PIPOX: variants seen among roughly 807,000 people sequenced by gnomAD.
PIPOX encodes the protein pipecolic acid and sarcosine oxidase.
In PIPOX, 45 loss-of-function variants were observed where a neutral mutation model predicts 47.9. The ratio of observed to expected loss-of-function variants is 0.94; its 90% confidence interval spans 0.74 to 1.20. The LOEUF is 1.20. Ranked by LOEUF, PIPOX falls within the 50% of genes most tolerant of loss-of-function variation. The probability of loss-of-function intolerance (pLI) is 0.00; values close to 1 mark genes in which losing one functional copy is unlikely to be tolerated. For synonymous variants in PIPOX, 165 were observed against 191.3 expected, an observed-to-expected ratio of 0.86 and a Z score of 1.13; for missense variants, 458 against 498.4, an observed-to-expected ratio of 0.92 and a Z score of 0.77.
intron 1 of PIPOX, 39 bp from the exon 2 acceptor site, chr17:29,044,820 G>T (rs1481948121): frequency 1.3e-6 from 2 of 1,587,066 alleles, no homozygotes; most frequent in East Asian, 4.5e-5. Flanking sequence ...AGTGTGAGGG[G>T]TAATGGCTTC....
At chr17:29,056,104 A>G in intron 7 of PIPOX, 71 bp from the exon 8 acceptor site, 1 of 1,581,168 alleles carries the variant, frequency 6.3e-7, no homozygotes, top group Non-Finnish European at 8.7e-7. Flanking sequence ...CTGTCTGGGT[A>G]AGTAGGGGAT....
intron 2 of PIPOX, chr17:29,052,089 T>TTTCCACAAAACAGGCAGCCTC: frequency 4.3e-6 from 2 of 465,848 alleles, no homozygotes; most frequent in South Asian, 3.1e-5. Context: ...TTTAGGACCC[T>TTTCCACAAAACAGGCAGCCTC]TTCCACAAAA....
intron 1 of PIPOX, chr17:29,044,402 C>CT (rs1451494164): frequency 1.3e-5 from 2 of 152,616 alleles, no homozygotes; most frequent in African/African-American, 4.8e-5. Context: ...TAAGTTAGTG[C>CT]TATTGAAGAA....
chr17:29,050,586 C>T (rs894742371), intron 2 of PIPOX, among the ~76,000 whole-genome samples: 2 of 152,062 alleles, frequency 1.3e-5, no homozygotes, highest in African/African-American at 4.8e-5. Context: ...GTCTGTAGTC[C>T]CAAATATTTG....
At chr17:29,043,501 A>T (rs902938436) in intron 1 of PIPOX, among the ~76,000 whole-genome samples, 162 bp downstream of exon 1, 1 of 152,190 alleles carries the variant, frequency 6.6e-6, no homozygotes, top group Non-Finnish European at 1.5e-5. Flanking sequence ...GTTTCATGGC[A>T]ATTCAAAGAA....
At chr17:29,054,461 C>A in intron 4 of PIPOX, 84 bp from the exon 5 acceptor site, 1 of 1,504,244 alleles carries the variant, frequency 6.6e-7, no homozygotes. Context: ...TGTTAGAGGG[C>A]CGCAGGGGCC....
At chr17:29,044,803 G>A in intron 1 of PIPOX, 56 bp from the exon 2 acceptor site, 1 of 1,544,172 alleles carries the variant, frequency 6.5e-7, no homozygotes, top group South Asian at 1.2e-5. Context: ...CTCTTAACAG[G>A]GGATGCAGTG....
chr17:29,053,534 T>G lies in PIPOX; in HGVS notation c.599T>G (p.Ile200Ser). 1 of 1,613,872 alleles carries G rather than the reference T, an allele frequency of 6.2e-7. No homozygotes were observed. The highest frequency in any genetic ancestry group is 8.5e-7 in the Non-Finnish European group (1 of 1,179,818). ...SRSYQAKSLV[I>S]TAGPWTNQLL... ...AGCTACCAAGCTAAGAGCTTGGTCATCACAGCAGGTCCTTGGACCAACCAG... is the reference window on the plus strand; with the variant it reads ...AGCTACCAAGCTAAGAGCTTGGTCAGCACAGCAGGTCCTTGGACCAACCAG... The change falls in exon 4 of 8, where the codon ATC (isoleucine) becomes AGC (serine). Residue 200 changes from isoleucine to serine, a missense_variant. By Grantham distance (142) the Ile-to-Ser change is moderately radical. Coordinates refer to ENST00000323372, the MANE Select transcript of PIPOX (RefSeq NM_016518.3).
intron 2 of PIPOX, among the ~76,000 whole-genome samples, chr17:29,051,517 CTGGG>C (rs1243275343): frequency 2.0e-5 from 3 of 152,208 alleles, no homozygotes; most frequent in Non-Finnish European, 1.5e-5. Flanking sequence ...CAGGCCGCTG[CTGGG>C]CAGTGCAGCA....
In PIPOX at chr17:29,044,806, A is replaced by G. The variant is rs1361036288; in HGVS notation, c.115-53A>G. On this transcript the variant is annotated intron_variant, in intron 1 of 7. Coordinates refer to ENST00000323372, the MANE Select transcript of PIPOX (RefSeq NM_016518.3). ...ATGCTGATATGGCTCTTAACAGGGGATGCAGTGTGAGGGGTAATGGCTTCC... is the reference window on the plus strand; with the variant it reads ...ATGCTGATATGGCTCTTAACAGGGGGTGCAGTGTGAGGGGTAATGGCTTCC... 3 of 1,550,106 alleles carry G rather than the reference A, an allele frequency of 1.9e-6. No homozygotes were observed. In the Admixed American group the frequency reaches 5.6e-5, roughly 29 times the overall value.
intron 2 of PIPOX, among the ~76,000 whole-genome samples, chr17:29,050,533 C>A (rs939700385): frequency 6.6e-6 from 1 of 152,112 alleles, no homozygotes; most frequent in Non-Finnish European, 1.5e-5. Flanking sequence ...CTTGTGTCTA[C>A]AAAACACAAA....
In PIPOX at chr17:29,044,971, C is replaced by T. The variant is rs1298675669; in HGVS notation, c.227C>T (p.Ala76Val). Residue 76 changes from alanine (A) to valine (V), a missense_variant, in exon 2 of 8, where the codon GCC (alanine) becomes GTC (valine). Coordinates refer to ENST00000323372, the MANE Select transcript of PIPOX (RefSeq NM_016518.3). ...RMMHECYQIW[A>V]QLEHEAGTQL... ...ATGCATGAGTGCTATCAGATATGGG[C>T]CCAGCTGGAGCACGAGGCTGGAACC... The T allele has an allele frequency of 1.2e-6, 2 of 1,612,576 alleles. No homozygotes were observed. Among genetic ancestry groups the T allele is most frequent in the Non-Finnish European group, 1.7e-6 (2 of 1,179,344 alleles).
At chr17:29,053,268 G>C in intron 3 of PIPOX, 135 bp downstream of exon 3, 1 of 1,185,852 alleles carries the variant, frequency 8.4e-7, no homozygotes, top group Non-Finnish European at 1.2e-6. Context: ...TTCCAGCAGG[G>C]CAGTGAAATA....
chr17:29,054,997 C>T, intron 5 of PIPOX, 66 bp from the exon 6 acceptor site: 20 of 1,595,132 alleles, frequency 1.3e-5, no homozygotes, highest in Non-Finnish European at 1.6e-5. Context: ...ACACGCCTGC[C>T]CTTCGGCTGT....
intron 2 of PIPOX, among the ~76,000 whole-genome samples, chr17:29,049,454 G>A (rs866788953): frequency 2.6e-5 from 4 of 152,174 alleles, no homozygotes; most frequent in African/African-American, 4.8e-5. Flanking sequence ...AGAATGAGCA[G>A]TCTATTTGTT....
chr17:29,055,019 G>T, intron 5 of PIPOX, 44 bp from the exon 6 acceptor site: 1 of 1,611,846 alleles, frequency 6.2e-7, no homozygotes, highest in South Asian at 1.1e-5. Flanking sequence ...GGTGTGTGTG[G>T]AAGGCCAGCC....
At chr17:29,055,030 C>G (rs1462778716) in intron 5 of PIPOX, 33 bp from the exon 6 acceptor site, 2 of 1,613,582 alleles carry the variant, frequency 1.2e-6, no homozygotes, top group Non-Finnish European at 8.5e-7. Flanking sequence ...AAGGCCAGCC[C>G]TCACCACTCA....
intron 5 of PIPOX, among the ~76,000 whole-genome samples, 161 bp from the exon 6 acceptor site, chr17:29,054,902 C>A (rs992110991): frequency 6.6e-6 from 1 of 152,180 alleles, no homozygotes; most frequent in Non-Finnish European, 1.5e-5. Context: ...TTGCAGGGAC[C>A]AACAGCTAAG....
intron 2 of PIPOX, among the ~76,000 whole-genome samples, chr17:29,048,484 C>T (rs1568019050): frequency 6.6e-6 from 1 of 152,220 alleles, no homozygotes; most frequent in Middle Eastern, 3.2e-3. Flanking sequence ...GACAATGACA[C>T]ATGTGTCAGA....
Sources: gnomAD v4.1 joint callset for allele counts (sites outside exome capture counted in the v4.1 genomes callset) on GRCh38, gnomAD v4.1.1 for gene constraint, MANE v1.5 for transcripts, NCBI Gene and HGNC (gene_info 2026-07-23, HGNC 2026-07-21) for gene names.